The following ZNF644 variants were observed in gnomAD, a reference collection of about 807,000 sequenced individuals.
ZNF644 encodes the protein zinc finger protein 644, also known as zinc finger motif enhancer binding protein 2.
In ZNF644, 20 loss-of-function variants were observed where a neutral mutation model predicts 108.0. The ratio of observed to expected loss-of-function variants is 0.19; its 90% CI spans 0.13 to 0.27. ZNF644 has a LOEUF of 0.27. ZNF644 is among the 10% of genes least tolerant of loss of function. The probability of loss-of-function intolerance (pLI) is 1.00; values close to 1 mark genes in which losing one functional copy is unlikely to be tolerated. For synonymous variants in ZNF644, 542 were observed against 539.1 expected (o/e 1.01, Z -0.08); for missense variants, 1,338 against 1,548.9 (o/e 0.86, Z 2.29).
intron 5 of ZNF644, among the ~76,000 whole-genome samples, 176 bp from the exon 6 acceptor site, chr1:90,917,166 T>C (rs1425166218): frequency 6.6e-6 from 1 of 152,232 alleles, no homozygotes; most frequent in Non-Finnish European, 1.5e-5. Flanking sequence ...CATATGTTTA[T>C]TAACAGCTAT....
intron 1 of ZNF644, among the ~76,000 whole-genome samples, chr1:91,000,033 T>C (rs1456603451): frequency 2.0e-5 from 3 of 152,136 alleles, no homozygotes; most frequent in Non-Finnish European, 4.4e-5. Flanking sequence ...CCCAGATTCA[T>C]AAAGCAAGTC....
intron 2 of ZNF644, among the ~76,000 whole-genome samples, chr1:90,954,215 A>G (rs1433017720): frequency 6.6e-6 from 1 of 152,180 alleles, no homozygotes; most frequent in African/African-American, 2.4e-5. Context: ...ATTGGAGTCA[A>G]TCTTCTCAAA....
intron 2 of ZNF644, among the ~76,000 whole-genome samples, chr1:90,943,087 T>A (rs1652157033): frequency 1.3e-5 from 2 of 152,196 alleles, no homozygotes; most frequent in African/African-American, 4.8e-5. Flanking sequence ...ATATTTCTAC[T>A]ATCCTTTAAG....
intron 1 of ZNF644, among the ~76,000 whole-genome samples, chr1:91,003,371 G>T (rs971918163): frequency 6.6e-6 from 1 of 152,212 alleles, no homozygotes; most frequent in Non-Finnish European, 1.5e-5. Flanking sequence ...ATGAGTTCAT[G>T]TCCTTTGTAG....
chr1:90,968,176 G>C (rs1427731146), intron 2 of ZNF644, among the ~76,000 whole-genome samples: 1 of 151,710 alleles, frequency 6.6e-6, no homozygotes, highest in Non-Finnish European at 1.5e-5. Context: ...CTCAATTAGT[G>C]ATATACCTAA....
chr1:90,934,853 T>C (rs1338628284), intron 4 of ZNF644, among the ~76,000 whole-genome samples: 2 of 152,196 alleles, frequency 1.3e-5, no homozygotes, highest in African/African-American at 4.8e-5. Context: ...CAAGTCTACA[T>C]TTTGAAATTT....
At chr1:91,008,781 G>A (rs866863997) in intron 1 of ZNF644, among the ~76,000 whole-genome samples, 1 of 152,102 alleles carries the variant, frequency 6.6e-6, no homozygotes, top group African/African-American at 2.4e-5. Context: ...CACTATTAAC[G>A]TCTTTACTTG....
intron 2 of ZNF644, among the ~76,000 whole-genome samples, chr1:90,968,217 G>A (rs977455818): frequency 6.6e-6 from 1 of 151,980 alleles, no homozygotes; most frequent in Admixed American, 6.6e-5. Context: ...TTATTTTGTA[G>A]GAATTTGCAG....
At chr1:90,964,004 C>A (rs1006360374) in intron 2 of ZNF644, among the ~76,000 whole-genome samples, 6 of 152,066 alleles carry the variant, frequency 3.9e-5, no homozygotes, top group Admixed American at 3.9e-4. Flanking sequence ...ACACAAATAC[C>A]TTAACAATTA....
intron 1 of ZNF644, among the ~76,000 whole-genome samples, chr1:90,991,777 C>T (rs1156427295): frequency 6.6e-6 from 1 of 152,144 alleles, no homozygotes; most frequent in African/African-American, 2.4e-5. Context: ...ATCCAATCAC[C>T]TCTCTCCAGG....
At position 90,939,358 on chromosome 1, in the gene ZNF644, C is replaced by T; in HGVS notation, c.1996G>A (p.Gly666Arg). 6.2e-7 allele frequency: 1 copy of T among 1,614,000 alleles called. No homozygotes were observed. Among genetic ancestry groups the T allele is most frequent in the South Asian group, 1.1e-5 (1 of 91,080 alleles). ...AAACTACTTGATTGTGAGGTTGATCCAAATGTTCGCTTCACATCTTGTTTT... is the reference window on the plus strand; with the variant it reads ...AAACTACTTGATTGTGAGGTTGATCTAAATGTTCGCTTCACATCTTGTTTT... ...ALKQDVKRTF[G>R]STSQSSSFSK... is the part of the protein sequence containing the mutation. The change falls in exon 3 of 6, where the codon GGA becomes AGA. Residue 666 changes from glycine (G) to arginine (R), a missense_variant. Gly to Arg is a moderately radical substitution (Grantham distance 125). Coordinates refer to ENST00000337393, the MANE Select transcript of ZNF644 (RefSeq NM_201269.3).
At position 90,935,618 on chromosome 1, in the gene ZNF644, A is replaced by G. The variant is rs908145928; in HGVS notation, c.3688+1867T>C. The G allele has an allele frequency of 3.3e-6, 3 of 920,754 alleles. No homozygotes were observed. In the African/African-American group the frequency reaches 5.4e-5, roughly 16 times the overall value. 57.0% of individuals were successfully genotyped at this position (920,754 alleles called of 1,614,324 possible). A position where few individuals can be genotyped will look rare whatever the true frequency, so the allele number is the denominator to read the frequency against. On this transcript the variant is annotated intron_variant, in intron 4 of 5. Coordinates refer to ENST00000337393, the MANE Select transcript of ZNF644 (RefSeq NM_201269.3). ...AAAGAGTGTAGAAAAGCACCACAAT[A>G]AAGATGGTTTTCAAAACGTTCAATG...
intron 2 of ZNF644, among the ~76,000 whole-genome samples, chr1:90,976,102 A>C (rs1170313360): frequency 6.6e-6 from 1 of 152,234 alleles, no homozygotes; most frequent in Non-Finnish European, 1.5e-5. Flanking sequence ...CAGTTAAATG[A>C]AACTGTTTTT....
At chr1:91,015,819 C>A (rs980467038) in intron 1 of ZNF644, among the ~76,000 whole-genome samples, 1 of 152,098 alleles carries the variant, frequency 6.6e-6, no homozygotes, top group Non-Finnish European at 1.5e-5. Flanking sequence ...AGGTGAAAAT[C>A]TCAAGTTAAT....
intron 1 of ZNF644, among the ~76,000 whole-genome samples, chr1:90,986,405 T>C (rs534237232): frequency 9.2e-5 from 14 of 151,820 alleles, no homozygotes; most frequent in Middle Eastern, 6.8e-3. Flanking sequence ...AAATGTAATA[T>C]ATCTTGGAAC....
intron 1 of ZNF644, among the ~76,000 whole-genome samples, chr1:91,003,647 A>G (rs201472967): frequency 6.7e-6 from 1 of 148,334 alleles, no homozygotes; most frequent in East Asian, 1.9e-4. Flanking sequence ...AAACCTGCAC[A>G]TTGTGCACAT....
chr1:90,961,829 G>A (rs1333499130), intron 2 of ZNF644, among the ~76,000 whole-genome samples: 1 of 151,944 alleles, frequency 6.6e-6, no homozygotes, highest in African/African-American at 2.4e-5. Context: ...AGACATTTTG[G>A]CTGTCACACT....
intron 2 of ZNF644, among the ~76,000 whole-genome samples, chr1:90,970,985 C>T (rs567452675): frequency 8.1e-4 from 98 of 120,568 alleles, no homozygotes; most frequent in African/African-American, 2.9e-3. Flanking sequence ...AGCAATGGAG[C>T]GAGACTCCAT....
At chr1:90,948,527 C>G (rs55756274) in intron 2 of ZNF644, among the ~76,000 whole-genome samples, 1 of 152,160 alleles carries the variant, frequency 6.6e-6, no homozygotes, top group Non-Finnish European at 1.5e-5. Context: ...CCAAAATCTA[C>G]GCATACTTAA....
Sources: gnomAD v4.1 joint callset for allele counts (sites outside exome capture counted in the v4.1 genomes callset) on GRCh38, gnomAD v4.1.1 for gene constraint, MANE v1.5 for transcripts, NCBI Gene and HGNC (gene_info 2026-07-23, HGNC 2026-07-21) for gene names.